GRM7: variants seen among roughly 807,000 people sequenced by gnomAD.
GRM7 encodes the protein metabotropic glutamate receptor 7.
A neutral mutation model predicts 84.5 loss-of-function variants in GRM7; 35 were observed. The observed-to-expected ratio is 0.41, with a 90% confidence interval of 0.32 to 0.55. GRM7 has a LOEUF of 0.55. GRM7 is among the 20% of genes least tolerant of loss of function. GRM7 has a pLI of 0.19. For synonymous variants in GRM7, 487 were observed against 455.1 expected (o/e 1.07, Z -0.89); for missense variants, 1,003 against 1,194.6 (o/e 0.84, Z 2.36).
chr3:7,653,958 C>T (rs1298116604), intron 8 of GRM7, among the ~76,000 whole-genome samples: 1 of 152,188 alleles, frequency 6.6e-6, no homozygotes, highest in Non-Finnish European at 1.5e-5. Context: ...ACCCCTGCTA[C>T]TCCCTTGCCC....
At chr3:6,972,294 T>G (rs1440240151) in intron 1 of GRM7, among the ~76,000 whole-genome samples, 1 of 152,212 alleles carries the variant, frequency 6.6e-6, no homozygotes, top group African/African-American at 2.4e-5. Flanking sequence ...AGTTAGATTT[T>G]GAATACATTG....
At chr3:7,594,382 G>T (rs866675861) in intron 8 of GRM7, among the ~76,000 whole-genome samples, 21 of 152,150 alleles carry the variant, frequency 1.4e-4, no homozygotes, top group South Asian at 2.1e-4. Context: ...CCATGGAGTT[G>T]TACGGTGTGT....
At chr3:7,098,766 C>T (rs1698942896) in intron 1 of GRM7, among the ~76,000 whole-genome samples, 1 of 151,932 alleles carries the variant, frequency 6.6e-6, no homozygotes. Flanking sequence ...GTTTCTACTG[C>T]AAGGTGGTGT....
intron 8 of GRM7, among the ~76,000 whole-genome samples, chr3:7,673,447 A>C (rs1700005636): frequency 6.6e-6 from 1 of 151,750 alleles, no homozygotes; most frequent in Admixed American, 6.6e-5. Context: ...AAAGTTTCCC[A>C]TGAAAAAACA....
chr3:6,878,731 GCTCT>G (rs1330586663), intron 1 of GRM7, among the ~76,000 whole-genome samples: 3 of 152,066 alleles, frequency 2.0e-5, no homozygotes, highest in African/African-American at 4.8e-5. Flanking sequence ...CAGGTGTAAG[GCTCT>G]AGAAACTATA....
intron 1 of GRM7, among the ~76,000 whole-genome samples, chr3:7,134,195 C>T (rs763732020): frequency 2.0e-5 from 3 of 152,062 alleles, no homozygotes; most frequent in Non-Finnish European, 4.4e-5. Context: ...GAGAAACAGT[C>T]CTGAGGAGTT....
At chr3:7,303,596 G>T (rs1700084207) in intron 3 of GRM7, among the ~76,000 whole-genome samples, 1 of 151,996 alleles carries the variant, frequency 6.6e-6, no homozygotes, top group South Asian at 2.1e-4. Flanking sequence ...TTTTTCTATG[G>T]TAGTTATTTT....
At chr3:7,625,345 GA>G (rs1227551911) in intron 8 of GRM7, among the ~76,000 whole-genome samples, 2 of 152,004 alleles carry the variant, frequency 1.3e-5, no homozygotes, top group African/African-American at 4.8e-5. Context: ...TAGAGGGCAA[GA>G]AAAAAGGGTG....
intron 7 of GRM7, among the ~76,000 whole-genome samples, chr3:7,492,093 A>T (rs1699540442): frequency 1.3e-5 from 2 of 152,130 alleles, no homozygotes; most frequent in African/African-American, 2.4e-5. Context: ...CTCTTTATAT[A>T]TTGTCAGATT....
chr3:7,305,330 CT>C lies in GRM7; in HGVS notation c.879-1156del, dbSNP rs796779715. Reference sequence around the variant, plus strand: ...TCAGAACCTATTTCCTATGCTGCTGCTTTTTTTTTTTTCTTTTTTTTTTTTT... The same window carrying C: ...TCAGAACCTATTTCCTATGCTGCTGCTTTTTTTTTTTCTTTTTTTTTTTTT... On this transcript the variant is annotated intron_variant, in intron 3 of 9. Coordinates refer to ENST00000357716, the MANE Select transcript of GRM7 (RefSeq NM_000844.4). Among the ~76,000 whole-genome samples, 191 of 86,906 alleles carry C rather than the reference CT, an allele frequency of 2.2e-3. 11 individuals are homozygous for C. The highest frequency in any genetic ancestry group is 5.4e-3 in the African/African-American group (129 of 23,996). 57.0% of individuals were successfully genotyped at this position (86,906 alleles called of 152,430 possible). A position where few individuals can be genotyped will look rare whatever the true frequency, so the allele number is the denominator to read the frequency against.
At chr3:7,516,159 T>A in intron 7 of GRM7, among the ~76,000 whole-genome samples, 2 of 76,110 alleles carry the variant, frequency 2.6e-5, no homozygotes, top group Admixed American at 2.0e-4. Flanking sequence ...GTTGACACCA[T>A]ATCTCAAAAA....
At chr3:7,652,004 C>T (rs1223059290) in intron 8 of GRM7, among the ~76,000 whole-genome samples, 2 of 152,168 alleles carry the variant, frequency 1.3e-5, no homozygotes, top group African/African-American at 2.4e-5. Context: ...AAGTTCTTAA[C>T]AGGACATTTT....
At chr3:7,523,075 C>G (rs1700659338) in intron 7 of GRM7, among the ~76,000 whole-genome samples, 5 of 152,116 alleles carry the variant, frequency 3.3e-5, no homozygotes, top group African/African-American at 1.2e-4. Flanking sequence ...AAAGAAATTT[C>G]TGTTGTTCAA....
At chr3:7,000,815 A>G (rs1376694656) in intron 1 of GRM7, among the ~76,000 whole-genome samples, 1 of 152,172 alleles carries the variant, frequency 6.6e-6, no homozygotes, top group Non-Finnish European at 1.5e-5. Context: ...TGGCTCAAAC[A>G]CGGTGTATGT....
intron 1 of GRM7, among the ~76,000 whole-genome samples, chr3:7,106,134 T>C (rs1322594574): frequency 6.6e-6 from 1 of 151,930 alleles, no homozygotes; most frequent in African/African-American, 2.4e-5. Flanking sequence ...GTGGCAAGCT[T>C]TTAAATTGCT....
chr3:7,437,012 T>C (rs1474811073), intron 5 of GRM7, among the ~76,000 whole-genome samples: 1 of 152,206 alleles, frequency 6.6e-6, no homozygotes, highest in Non-Finnish European at 1.5e-5. Context: ...ACAATAGACA[T>C]CAAGTCCAAT....
chr3:7,645,390 T>C (rs780629195), intron 8 of GRM7, among the ~76,000 whole-genome samples: 8 of 150,794 alleles, frequency 5.3e-5, no homozygotes, highest in African/African-American at 2.0e-4. Context: ...CTACTAAAAA[T>C]ACAAAAATTA....
chr3:7,034,822 C>T (rs559748814), intron 1 of GRM7, among the ~76,000 whole-genome samples: 2 of 152,316 alleles, frequency 1.3e-5, no homozygotes, highest in African/African-American at 2.4e-5. Flanking sequence ...TCCTTCCAGA[C>T]TCCACTAGCT....
At position 6,861,913 on chromosome 3, in the gene GRM7, G is replaced by A. The variant is rs1233919190; in HGVS notation, c.519+6G>A. On this transcript the variant is annotated splice_donor_region_variant and intron_variant, in intron 1 of 9. Transcript: ENST00000357716. The surrounding 1 kb of genome is among the most constrained non-coding windows in gnomAD (Gnocchi z 6.4). Reference sequence around the variant, plus strand: ...ACATCCTGAGGCTCTTCCAGGTAGGGATGCGCTCCCTCCGGGGCGGAGCAC... The same window carrying A: ...ACATCCTGAGGCTCTTCCAGGTAGGAATGCGCTCCCTCCGGGGCGGAGCAC... 1.1e-5 allele frequency: 17 copies of A among 1,604,740 alleles called. No individual in the cohort carries two copies. The Admixed American group carries it at 2.2e-4, about 21-fold the overall frequency.
Sources: gnomAD v4.1 joint callset for allele counts (sites outside exome capture counted in the v4.1 genomes callset) on GRCh38, gnomAD v4.1.1 for gene constraint, Gnocchi (gnomAD v3.1) non-coding constraint, MANE v1.5 for transcripts, NCBI Gene and HGNC (gene_info 2026-07-23, HGNC 2026-07-21) for gene names.